METTL15: variants seen among roughly 807,000 people sequenced by gnomAD.
METTL15 encodes 12S rRNA N(4)-cytidine methyltransferase METTL15.
Under a neutral mutation model 38.3 loss-of-function variants are expected in METTL15, and 34 were observed. The observed-to-expected ratio is 0.89, with a 90% CI of 0.68 to 1.18. METTL15 has a LOEUF of 1.18. Ranked by LOEUF, METTL15 falls within the 50% of genes most tolerant of loss-of-function variation. The probability of loss-of-function intolerance (pLI) is 0.00; values close to 1 mark genes in which losing one functional copy is unlikely to be tolerated. For synonymous variants in METTL15, 162 were observed against 170.9 expected, an observed-to-expected ratio of 0.95 and a Z score of 0.41; for missense variants, 438 against 498.4, an observed-to-expected ratio of 0.88 and a Z score of 1.15.
chr11:28,206,087 G>T (rs1341621141), intron 3 of METTL15, among the ~76,000 whole-genome samples: 1 of 147,502 alleles, frequency 6.8e-6, no homozygotes, highest in Non-Finnish European at 1.5e-5. Flanking sequence ...AGTTTCTTTT[G>T]CTGTGCAGAA....
chr11:28,211,498 C>T (rs931720474), intron 4 of METTL15, among the ~76,000 whole-genome samples: 2 of 151,822 alleles, frequency 1.3e-5, no homozygotes, highest in Non-Finnish European at 2.9e-5. Flanking sequence ...AACTCATAGT[C>T]AAAAAATAAT....
chr11:28,268,939 A>G (rs1855537653), intron 4 of METTL15, among the ~76,000 whole-genome samples: 1 of 152,164 alleles, frequency 6.6e-6, no homozygotes. Context: ...GGTATTTTTC[A>G]TTTGAAATTT....
chr11:28,182,876 TC>T (rs1347855107), intron 3 of METTL15, among the ~76,000 whole-genome samples: 2 of 152,140 alleles, frequency 1.3e-5, no homozygotes, highest in African/African-American at 4.8e-5. Context: ...TATTGATTCT[TC>T]CTATTCATGA....
chr11:28,505,369 A>G (rs1432598960), intron 6 of METTL15, among the ~76,000 whole-genome samples: 3 of 152,166 alleles, frequency 2.0e-5, no homozygotes, highest in Non-Finnish European at 4.4e-5. Flanking sequence ...TCCAAGCAGG[A>G]CGATTTACTG....
At chr11:28,164,732 C>T (rs1380812368) in intron 3 of METTL15, among the ~76,000 whole-genome samples, 2 of 152,006 alleles carry the variant, frequency 1.3e-5, no homozygotes, top group African/African-American at 4.8e-5. Flanking sequence ...TTCTAGGGTA[C>T]ATGTGTACAA....
intron 6 of METTL15, among the ~76,000 whole-genome samples, chr11:28,504,606 A>T (rs1217953227): frequency 1.3e-5 from 2 of 152,240 alleles, no homozygotes; most frequent in Admixed American, 6.5e-5. Context: ...AAGTCTTCTG[A>T]TAGAGTCTAA....
intron 5 of METTL15, among the ~76,000 whole-genome samples, chr11:28,392,080 A>C (rs993816433): frequency 1.3e-5 from 2 of 152,204 alleles, no homozygotes; most frequent in Admixed American, 6.5e-5. Context: ...CAAAGGGCTA[A>C]TATCCAGAAT....
At chr11:28,349,455 G>A (rs997270045) in intron 3 of METTL15, among the ~76,000 whole-genome samples, 1 of 152,156 alleles carries the variant, frequency 6.6e-6, no homozygotes, top group African/African-American at 2.4e-5. Flanking sequence ...AAAGGAAAGA[G>A]GAAGATATAG....
At chr11:28,480,146 G>A (rs972391530) in intron 6 of METTL15, among the ~76,000 whole-genome samples, 4 of 152,158 alleles carry the variant, frequency 2.6e-5, no homozygotes, top group South Asian at 4.1e-4. Flanking sequence ...AGTTACAGAC[G>A]TGACATGTTT....
chr11:28,274,402 C>G lies in METTL15; in HGVS notation c.408-15804C>G, dbSNP rs548461288. On this transcript the variant is annotated intron_variant, in intron 4 of 6. Transcript: ENST00000407364. ...ACAGCCAACAGGAAAAAAGGTTTGT[C>G]ATAGTTTCTGTTCCTTCTCTGGATG... Among the ~76,000 whole-genome samples, 6 of 152,024 alleles carry G rather than the reference C, an allele frequency of 3.9e-5. No individual in the cohort carries two copies. In the East Asian group the frequency reaches 1.2e-3, roughly 29 times the overall value.
At chr11:28,313,565 C>A (rs1380666175) in intron 6 of METTL15, among the ~76,000 whole-genome samples, 1 of 151,508 alleles carries the variant, frequency 6.6e-6, no homozygotes, top group Non-Finnish European at 1.5e-5. Flanking sequence ...ACTTAAAAAC[C>A]TGTAATACCA....
chr11:28,519,761 A>G (rs190643876), intron 6 of METTL15, among the ~76,000 whole-genome samples: 1 of 152,148 alleles, frequency 6.6e-6, no homozygotes, highest in East Asian at 1.9e-4. Flanking sequence ...ATTTTGCAGA[A>G]AGGCTAAAAA....
chr11:28,388,478 CAGTT>C (rs530957676), intron 5 of METTL15, among the ~76,000 whole-genome samples: 8 of 151,990 alleles, frequency 5.3e-5, no homozygotes, highest in Non-Finnish European at 8.8e-5. Flanking sequence ...AAGAATAAAA[CAGTT>C]AGGAATAAAT....
rs550967347 is a variant in METTL15, at chr11:28,201,807, C to T, written c.271-9255C>T. 1.1e-3 allele frequency among the ~76,000 whole-genome samples: 170 copies of T among 151,966 alleles called. 2 individuals are homozygous for T. The highest frequency in any genetic ancestry group is 4.0e-3 in the African/African-American group (164 of 41,432). ...ATGCTGTGGATATATTAGGGCTGTC[C>T]TCATTGTTTGAGAATAAAATTTGAC... is the stretch of plus-strand genomic sequence containing the variant. On this transcript the variant is annotated intron_variant, in intron 3 of 6. Transcript: ENST00000407364.
intron 4 of METTL15, among the ~76,000 whole-genome samples, chr11:28,243,470 C>A (rs1854385960): frequency 6.6e-6 from 1 of 152,144 alleles, no homozygotes; most frequent in Non-Finnish European, 1.5e-5. Context: ...TATCTTCCTA[C>A]CTGATTTAAT....
chr11:28,237,005 C>T (rs1197343455), intron 4 of METTL15, among the ~76,000 whole-genome samples: 1 of 152,014 alleles, frequency 6.6e-6, no homozygotes, highest in African/African-American at 2.4e-5. Flanking sequence ...TTGTGGGTAA[C>T]CCGATCTTTC....
intron 3 of METTL15, among the ~76,000 whole-genome samples, chr11:28,204,780 G>A (rs977267237): frequency 6.6e-6 from 1 of 151,804 alleles, no homozygotes; most frequent in Non-Finnish European, 1.5e-5. Flanking sequence ...ATAAATAGAG[G>A]TACTTTTTAT....
chr11:28,490,472 C>T (rs937947590), intron 6 of METTL15, among the ~76,000 whole-genome samples: 8 of 152,186 alleles, frequency 5.3e-5, no homozygotes, highest in African/African-American at 1.2e-4. Context: ...CATGGAAACA[C>T]GTTTGGTGGC....
intron 5 of METTL15, among the ~76,000 whole-genome samples, chr11:28,293,994 A>G (rs1389704380): frequency 6.6e-6 from 1 of 152,150 alleles, no homozygotes; most frequent in African/African-American, 2.4e-5. Context: ...CAATCATGTC[A>G]TCTGCAAACA....
Sources: allele counts gnomAD v4.1 joint callset (sites outside exome capture counted in the v4.1 genomes callset), GRCh38; gene constraint gnomAD v4.1.1; transcripts MANE v1.5; gene names NCBI Gene and HGNC (gene_info 2026-07-23, HGNC 2026-07-21).